Variants in SLC35F1 observed in about 807,000 individuals in gnomAD.
SLC35F1 encodes the protein solute carrier family 35 member F1.
SLC35F1 carries 14 observed loss-of-function variants against 48.7 expected under a neutral mutation model. The observed-to-expected ratio is 0.29, with a 90% CI of 0.19 to 0.45. The LOEUF (loss-of-function observed/expected upper bound fraction) is 0.45, where lower values mean the gene tolerates loss of function less well. SLC35F1 is among the 20% of genes least tolerant of loss of function. The pLI is 1.00. For missense variants in SLC35F1, 404 were observed against 500.0 expected (o/e 0.81, Z 1.83); for synonymous variants, 190 against 202.2 (o/e 0.94, Z 0.51).
chr6:118,190,123 G>T lies in SLC35F1; in HGVS notation c.349+35503G>T, dbSNP rs550351564. Reference sequence around the variant, plus strand: ...CTTTTAGTCGTTTTCTTCATTTTGAGAGACTGACCAAAATGTTAGTCATTG... The same window carrying T: ...CTTTTAGTCGTTTTCTTCATTTTGATAGACTGACCAAAATGTTAGTCATTG... On this transcript the variant is annotated intron_variant, in intron 2 of 7. Coordinates refer to ENST00000360388, the MANE Select transcript of SLC35F1 (RefSeq NM_001029858.4). Among the ~76,000 whole-genome samples the T allele has an allele frequency of 6.0e-4, 91 of 152,268 alleles. 1 individual carries two copies. Among genetic ancestry groups the T allele is most frequent in the African/African-American group, 2.1e-3 (86 of 41,552 alleles).
At chr6:118,193,926 T>C (rs1214742413) in intron 2 of SLC35F1, among the ~76,000 whole-genome samples, 4 of 152,224 alleles carry the variant, frequency 2.6e-5, no homozygotes, top group Non-Finnish European at 5.9e-5. Context: ...TTTTAAATTA[T>C]CTTTAAAACT....
rs566694707 is a variant in SLC35F1, at chr6:118,039,217, T to G, written c.174-115228T>G. On this transcript the variant is annotated intron_variant, in intron 1 of 7. Coordinates refer to ENST00000360388, the MANE Select transcript of SLC35F1 (RefSeq NM_001029858.4). ...TGACCTACATGGTTTCTGATGAGAA[T>G]TCTGTGATTATTAGAATGTTTTATA... Among the ~76,000 whole-genome samples the G allele has an allele frequency of 2.6e-5, 4 of 152,306 alleles. No homozygotes were observed. The East Asian group carries it at 7.7e-4, about 29-fold the overall frequency.
intron 4 of SLC35F1, among the ~76,000 whole-genome samples, chr6:118,268,914 G>T (rs982777702): frequency 2.0e-5 from 3 of 152,046 alleles, no homozygotes; most frequent in African/African-American, 7.2e-5. Flanking sequence ...CCGGCCTAAA[G>T]TTGTAATTTC....
At chr6:118,006,855 T>C (rs1777180215) in intron 1 of SLC35F1, among the ~76,000 whole-genome samples, 1 of 152,158 alleles carries the variant, frequency 6.6e-6, no homozygotes, top group Non-Finnish European at 1.5e-5. Context: ...CTTGTTAACA[T>C]GTATGTGAAT....
intron 2 of SLC35F1, among the ~76,000 whole-genome samples, chr6:118,182,402 A>T (rs1037118229): frequency 4.0e-5 from 6 of 151,216 alleles, no homozygotes; most frequent in Admixed American, 3.3e-4. Flanking sequence ...AAGTGGAAGG[A>T]TCTTGTTTAA....
intron 7 of SLC35F1, among the ~76,000 whole-genome samples, chr6:118,288,730 C>T (rs1776081557): frequency 6.6e-6 from 1 of 152,126 alleles, no homozygotes; most frequent in African/African-American, 2.4e-5. Context: ...TCCCATCATG[C>T]CCTGAACTAG....
At chr6:118,086,221 A>G (rs1772987883) in intron 1 of SLC35F1, among the ~76,000 whole-genome samples, 1 of 152,180 alleles carries the variant, frequency 6.6e-6, no homozygotes, top group Non-Finnish European at 1.5e-5. Context: ...AGTCCCTGCA[A>G]TTGCTGTCGA....
At chr6:118,173,937 C>T (rs572440705) in intron 2 of SLC35F1, among the ~76,000 whole-genome samples, 1 of 152,314 alleles carries the variant, frequency 6.6e-6, no homozygotes, top group South Asian at 2.1e-4. Flanking sequence ...TCACCCAGCA[C>T]TCAGATTCCA....
chr6:118,067,118 C>G (rs928568619), intron 1 of SLC35F1, among the ~76,000 whole-genome samples: 1 of 151,844 alleles, frequency 6.6e-6, no homozygotes. Flanking sequence ...AATTTGTGCA[C>G]AATTATTTGT....
At chr6:118,280,651 G>C (rs546709656) in intron 6 of SLC35F1, among the ~76,000 whole-genome samples, 2 of 152,168 alleles carry the variant, frequency 1.3e-5, no homozygotes, top group South Asian at 2.1e-4. Flanking sequence ...GCTGAGGCGG[G>C]CGGATCACTT....
chr6:117,966,377 G>A (rs901929827), intron 1 of SLC35F1, among the ~76,000 whole-genome samples: 1 of 151,814 alleles, frequency 6.6e-6, no homozygotes, highest in African/African-American at 2.4e-5. Context: ...GCCTTTAAGA[G>A]CTGTAACACT....
chr6:117,987,375 CTTCT>C (rs1371868246), intron 1 of SLC35F1, among the ~76,000 whole-genome samples: 3 of 64,888 alleles, frequency 4.6e-5, no homozygotes, highest in Admixed American at 1.8e-4. Flanking sequence ...TCCTCTTCTC[CTTCT>C]TTTTTTCCTC....
intron 1 of SLC35F1, among the ~76,000 whole-genome samples, chr6:118,069,521 C>A (rs1021160012): frequency 6.6e-6 from 1 of 152,052 alleles, no homozygotes; most frequent in East Asian, 1.9e-4. Context: ...ACTAAAGTTC[C>A]CTAGGCTGGT....
chr6:118,275,971 A>G (rs1366458255), intron 5 of SLC35F1, among the ~76,000 whole-genome samples: 1 of 152,216 alleles, frequency 6.6e-6, no homozygotes, highest in African/African-American at 2.4e-5. Flanking sequence ...AAAAAGGAAC[A>G]TTCTGTCTAC....
intron 1 of SLC35F1, among the ~76,000 whole-genome samples, chr6:117,950,692 A>G (rs1176408184): frequency 6.6e-6 from 1 of 152,220 alleles, no homozygotes; most frequent in Non-Finnish European, 1.5e-5. Flanking sequence ...TCCATTATAA[A>G]ATTAAGATGA....
At chr6:117,959,640 T>C (rs1210789293) in intron 1 of SLC35F1, among the ~76,000 whole-genome samples, 1 of 152,186 alleles carries the variant, frequency 6.6e-6, no homozygotes, top group Non-Finnish European at 1.5e-5. Flanking sequence ...AAACACACTT[T>C]TTGGATGAAT....
At chr6:118,134,094 G>A (rs1401921599) in intron 1 of SLC35F1, among the ~76,000 whole-genome samples, 1 of 152,162 alleles carries the variant, frequency 6.6e-6, no homozygotes, top group Non-Finnish European at 1.5e-5. Context: ...GAATCCTTAT[G>A]AAATCTGAAG....
chr6:118,272,228 C>T (rs1018960138), intron 4 of SLC35F1, among the ~76,000 whole-genome samples: 9 of 152,102 alleles, frequency 5.9e-5, no homozygotes, highest in South Asian at 2.1e-4. Flanking sequence ...CAGTTGGCTG[C>T]GGGGAAATGA....
intron 2 of SLC35F1, among the ~76,000 whole-genome samples, chr6:118,225,701 G>A (rs892376625): frequency 1.6e-4 from 19 of 116,572 alleles, no homozygotes; most frequent in African/African-American, 3.7e-4. Context: ...GTGAAACCCC[G>A]TCTCTACTAA....
Sources: allele counts gnomAD v4.1 joint callset (sites outside exome capture counted in the v4.1 genomes callset), GRCh38; gene constraint gnomAD v4.1.1; transcripts MANE v1.5; gene names NCBI Gene and HGNC (gene_info 2026-07-23, HGNC 2026-07-21).